PRKG1: variants seen among roughly 807,000 people sequenced by gnomAD.
PRKG1 encodes protein kinase cGMP-dependent 1.
Under a neutral mutation model 88.1 loss-of-function variants are expected in PRKG1, and 35 were observed. The observed-to-expected ratio is 0.40, with a 90% CI of 0.30 to 0.53. The LOEUF (loss-of-function observed/expected upper bound fraction) is 0.53, where lower values mean the gene tolerates loss of function less well. PRKG1 is among the 20% of genes least tolerant of loss of function. The pLI is 0.59. For synonymous variants in PRKG1, 303 were observed against 292.5 expected, an observed-to-expected ratio of 1.04 and a Z score of -0.37; for missense variants, 540 against 839.8, an observed-to-expected ratio of 0.64 and a Z score of 4.41.
At chr10:52,083,136 G>A (rs891535252) in intron 7 of PRKG1, among the ~76,000 whole-genome samples, 3 of 151,884 alleles carry the variant, frequency 2.0e-5, no homozygotes, top group African/African-American at 7.3e-5. Flanking sequence ...TCTCTTTAGT[G>A]TTATATATGT....
chr10:52,207,089 T>G (rs1839839806), intron 9 of PRKG1, among the ~76,000 whole-genome samples: 1 of 152,222 alleles, frequency 6.6e-6, no homozygotes, highest in Non-Finnish European at 1.5e-5. Context: ...TGTGGCAGAC[T>G]GCACATCATT....
At chr10:51,823,872 T>C (rs1839816715) in intron 4 of PRKG1, among the ~76,000 whole-genome samples, 1 of 144,148 alleles carries the variant, frequency 6.9e-6, no homozygotes, top group African/African-American at 2.6e-5. Context: ...TCTCCTTTTT[T>C]TTTTTTTTTT....
Position 51,093,799 on chromosome 10 carries a change from T to TACAC in PRKG1, c.311+18899_311+18900insCACA, listed in dbSNP as rs796209546. Among the ~76,000 whole-genome samples the TACAC allele has an allele frequency of 5.8e-3, 741 of 127,734 alleles. 2 individuals are homozygous for TACAC. Among genetic ancestry groups the TACAC allele is most frequent in the Middle Eastern group, 0.012 (3 of 256 alleles). 83.8% of individuals were successfully genotyped at this position (127,734 alleles called of 152,430 possible). A position where few individuals can be genotyped will look rare whatever the true frequency, so the allele number is the denominator to read the frequency against. The stretch of plus-strand genomic sequence containing the variant: ...CATATATATGTATTTTATATATATA[T>TACAC]ATACACACACACACACACACACACA... On this transcript the variant is annotated intron_variant, in intron 1 of 17. Transcript: ENST00000373980.
At chr10:51,688,742 G>T (rs1420934415) in intron 3 of PRKG1, among the ~76,000 whole-genome samples, 1 of 151,946 alleles carries the variant, frequency 6.6e-6, no homozygotes. Flanking sequence ...AGTCAACATA[G>T]TTTTCACAGA....
chr10:51,574,756 A>T (rs1384407048), intron 3 of PRKG1, among the ~76,000 whole-genome samples: 1 of 152,010 alleles, frequency 6.6e-6, no homozygotes, highest in Non-Finnish European at 1.5e-5. Context: ...CACAGTCAAT[A>T]AATACAAAAC....
chr10:52,160,944 T>G (rs1420642609), intron 8 of PRKG1, among the ~76,000 whole-genome samples: 1 of 152,084 alleles, frequency 6.6e-6, no homozygotes, highest in Non-Finnish European at 1.5e-5. Flanking sequence ...TATAAAGCAC[T>G]TATAGCAATG....
chr10:51,803,996 T>A (rs904832047), intron 3 of PRKG1, among the ~76,000 whole-genome samples: 1 of 152,144 alleles, frequency 6.6e-6, no homozygotes, highest in African/African-American at 2.4e-5. Context: ...CATAAGAGAA[T>A]AAATTAAAAT....
chr10:51,092,612 C>T (rs1564596888), intron 1 of PRKG1, among the ~76,000 whole-genome samples: 1 of 152,114 alleles, frequency 6.6e-6, no homozygotes, highest in Admixed American at 6.6e-5. Flanking sequence ...GGGTTATGAG[C>T]CAACTGGGGA....
At chr10:52,120,787 C>T (rs1019887669) in intron 7 of PRKG1, among the ~76,000 whole-genome samples, 14 of 152,234 alleles carry the variant, frequency 9.2e-5, no homozygotes, top group African/African-American at 2.9e-4. Context: ...CTTTCCAAGG[C>T]TTACGTTGCA....
intron 3 of PRKG1, among the ~76,000 whole-genome samples, chr10:51,628,965 C>CAAAAAAAAAAAAAAAAA (rs199634329): frequency 1.0e-5 from 1 of 98,426 alleles, no homozygotes; most frequent in Non-Finnish European, 2.2e-5. Flanking sequence ...GACTCCGTCT[C>CAAAAAAAAAAAAAAAAA]AAAAAAAAAA....
At chr10:51,793,778 T>C (rs1470099908) in intron 3 of PRKG1, among the ~76,000 whole-genome samples, 2 of 152,152 alleles carry the variant, frequency 1.3e-5, no homozygotes, top group African/African-American at 2.4e-5. Context: ...TTTTTGTTTT[T>C]TGAGACAGAG....
At chr10:51,919,532 G>T (rs918207768) in intron 5 of PRKG1, among the ~76,000 whole-genome samples, 1 of 128,898 alleles carries the variant, frequency 7.8e-6, no homozygotes, top group Non-Finnish European at 1.8e-5. Context: ...CCATTCTGCA[G>T]ATTTTTTTTT....
At chr10:51,081,879 C>T (rs1369214437) in intron 1 of PRKG1, among the ~76,000 whole-genome samples, 1 of 152,126 alleles carries the variant, frequency 6.6e-6, no homozygotes, top group Middle Eastern at 3.2e-3. Context: ...GCCTCAGCCT[C>T]CAGAGTAGCC....
At chr10:51,713,017 G>A (rs1024715755) in intron 3 of PRKG1, among the ~76,000 whole-genome samples, 1 of 152,002 alleles carries the variant, frequency 6.6e-6, no homozygotes, top group African/African-American at 2.4e-5. Context: ...CACAGTTAGG[G>A]TAACTAATTT....
intron 2 of PRKG1, among the ~76,000 whole-genome samples, chr10:51,191,556 A>G (rs911137389): frequency 6.6e-6 from 1 of 151,846 alleles, no homozygotes; most frequent in East Asian, 1.9e-4. Flanking sequence ...TAATATGGTG[A>G]TGATTATTAT....
At chr10:51,758,186 T>C (rs187886003) in intron 3 of PRKG1, among the ~76,000 whole-genome samples, 2 of 152,340 alleles carry the variant, frequency 1.3e-5, no homozygotes, top group African/African-American at 4.8e-5. Flanking sequence ...ATTGTCCGTG[T>C]ACGTACAGTC....
chr10:51,802,754 A>G (rs549300952), intron 3 of PRKG1, among the ~76,000 whole-genome samples: 1 of 152,252 alleles, frequency 6.6e-6, no homozygotes, highest in East Asian at 1.9e-4. Context: ...CAAGGAGAGA[A>G]ACAGATAGAA....
chr10:51,715,151 G>T (rs563582201), intron 3 of PRKG1, among the ~76,000 whole-genome samples: 3 of 152,166 alleles, frequency 2.0e-5, no homozygotes, highest in Non-Finnish European at 2.9e-5. Flanking sequence ...GGGAGGTTTG[G>T]TTTTTTGTGA....
At chr10:52,142,417 A>T (rs1356586439) in intron 8 of PRKG1, among the ~76,000 whole-genome samples, 1 of 152,182 alleles carries the variant, frequency 6.6e-6, no homozygotes, top group Non-Finnish European at 1.5e-5. Context: ...GAGTCATGAA[A>T]ATGAATAAAT....
Sources: gnomAD v4.1 joint callset for allele counts (sites outside exome capture counted in the v4.1 genomes callset) on GRCh38, gnomAD v4.1.1 for gene constraint, MANE v1.5 for transcripts, NCBI Gene and HGNC (gene_info 2026-07-23, HGNC 2026-07-21) for gene names.